ADK: variants seen among roughly 807,000 people sequenced by gnomAD.
ADK encodes adenosine kinase, also known as N6,N6-dimethyladenosine kinase.
Under a neutral mutation model 44.7 loss-of-function variants are expected in ADK, and 24 were observed. That is an observed-to-expected ratio of 0.54 (90% CI 0.39 to 0.76). ADK has a LOEUF of 0.76. ADK is among the 30% of genes least tolerant of loss of function. The pLI, the probability that ADK is intolerant of heterozygous loss-of-function variation, is 0.00. For missense variants in ADK, 321 were observed against 425.1 expected (o/e 0.76, Z 2.15); for synonymous variants, 128 against 142.6 (o/e 0.90, Z 0.73).
chr10:74,556,863 G>A (rs555736953), intron 7 of ADK, among the ~76,000 whole-genome samples: 156 of 152,216 alleles, frequency 1.0e-3, no homozygotes, highest in African/African-American at 3.4e-3. Context: ...GTATCAGGCC[G>A]TATTTATGCC....
At chr10:74,301,406 C>T (rs12221297) in intron 3 of ADK, among the ~76,000 whole-genome samples, 3,042 of 150,204 alleles carry the variant, frequency 0.02, 111 homozygotes, top group African/African-American at 0.069. Flanking sequence ...CTCAGCTTCT[C>T]GGGAGGCTAA....
At position 74,670,197 on chromosome 10, in the gene ADK, G is replaced by T; in HGVS notation, c.892G>T (p.Ala298Ser). 6.2e-7 allele frequency: 1 copy of T among 1,613,882 alleles called. No homozygotes were observed. Among genetic ancestry groups the T allele is most frequent in the Non-Finnish European group, 8.5e-7 (1 of 1,179,860 alleles). The change falls in exon 10 of 11, where the codon GCT (alanine) becomes TCT (serine). Residue 298 changes from alanine (A) to serine (S), a missense_variant. Ala to Ser is a moderately conservative substitution (Grantham distance 99, BLOSUM62 1). Transcript: ENST00000539909. ...TIMATESEVT[A>S]FAVLDQDQKE... ...TCTAATTGCAGAAAGTGAAGTCACT[G>T]CTTTTGCTGTCTTGGATCAAGACCA...
chr10:74,378,365 G>T (rs2131996182), intron 4 of ADK, among the ~76,000 whole-genome samples: 1 of 151,972 alleles, frequency 6.6e-6, no homozygotes, highest in African/African-American at 2.4e-5. Flanking sequence ...TTAATTTTAG[G>T]ATGTAATTAT....
intron 3 of ADK, among the ~76,000 whole-genome samples, chr10:74,298,000 G>A (rs1053494333): frequency 6.6e-6 from 1 of 151,870 alleles, no homozygotes; most frequent in African/African-American, 2.4e-5. Context: ...TTATTACTAG[G>A]GCATACCTAT....
chr10:74,204,304 A>G (rs928916865), intron 2 of ADK, among the ~76,000 whole-genome samples: 1 of 152,162 alleles, frequency 6.6e-6, no homozygotes, highest in African/African-American at 2.4e-5. Flanking sequence ...TTTTCAGTGC[A>G]TAAGTCTTAT....
chr10:74,488,595 T>C (rs560078168), intron 6 of ADK, among the ~76,000 whole-genome samples: 1 of 151,082 alleles, frequency 6.6e-6, no homozygotes, highest in South Asian at 2.1e-4. Context: ...GTGAGTTTTT[T>C]TCCTTCAGAA....
intron 4 of ADK, among the ~76,000 whole-genome samples, chr10:74,378,250 G>A (rs951934894): frequency 6.6e-6 from 1 of 151,918 alleles, no homozygotes; most frequent in Non-Finnish European, 1.5e-5. Flanking sequence ...CACTCAGAGT[G>A]AGATTCTGTT....
At chr10:74,294,562 T>C (rs974800400) in intron 3 of ADK, among the ~76,000 whole-genome samples, 3 of 152,080 alleles carry the variant, frequency 2.0e-5, no homozygotes, top group Admixed American at 6.5e-5. Context: ...ACTGGAATTA[T>C]AGGTGTGAGC....
intron 9 of ADK, among the ~76,000 whole-genome samples, chr10:74,658,173 A>G (rs1854562600): frequency 6.6e-6 from 1 of 152,194 alleles, no homozygotes; most frequent in South Asian, 2.1e-4. Flanking sequence ...TGTATTCATG[A>G]AAAAGTACTC....
intron 8 of ADK, among the ~76,000 whole-genome samples, chr10:74,590,833 T>G (rs545266874): frequency 7.0e-4 from 107 of 152,182 alleles, no homozygotes; most frequent in African/African-American, 2.3e-3. Flanking sequence ...TAAATAAAAA[T>G]TTTCAGGAAT....
intron 1 of ADK, among the ~76,000 whole-genome samples, chr10:74,177,122 G>C (rs1842371878): frequency 6.6e-6 from 1 of 152,110 alleles, no homozygotes; most frequent in African/African-American, 2.4e-5. Context: ...GGTGACCCTC[G>C]CCCAAATTCC....
chr10:74,343,282 A>G (rs1281817357), intron 4 of ADK, among the ~76,000 whole-genome samples: 2 of 152,136 alleles, frequency 1.3e-5, no homozygotes, highest in Non-Finnish European at 2.9e-5. Context: ...TTCTCCCAAA[A>G]CTTGTCAATT....
intron 6 of ADK, among the ~76,000 whole-genome samples, chr10:74,483,157 T>A (rs1847134256): frequency 6.6e-6 from 1 of 152,118 alleles, no homozygotes; most frequent in Non-Finnish European, 1.5e-5. Flanking sequence ...TTTCCATACG[T>A]CCTCCGAAAT....
At chr10:74,630,755 G>A (rs1169809291) in intron 9 of ADK, among the ~76,000 whole-genome samples, 2 of 151,982 alleles carry the variant, frequency 1.3e-5, no homozygotes, top group East Asian at 3.8e-4. Flanking sequence ...TTCAAGATAC[G>A]TCTTCCATAC....
chr10:74,408,226 C>T (rs1252757040), intron 6 of ADK, among the ~76,000 whole-genome samples: 2 of 151,402 alleles, frequency 1.3e-5, no homozygotes, highest in East Asian at 3.9e-4. Context: ...CTCCTGACCT[C>T]AAGTGATCCA....
chr10:74,659,758 G>A (rs1019493134), intron 9 of ADK, among the ~76,000 whole-genome samples: 1 of 152,182 alleles, frequency 6.6e-6, no homozygotes, highest in African/African-American at 2.4e-5. Flanking sequence ...ATCCAGCGCA[G>A]GAGAAAGTTG....
intron 3 of ADK, among the ~76,000 whole-genome samples, chr10:74,308,645 A>G (rs1304141629): frequency 6.6e-6 from 1 of 152,218 alleles, no homozygotes; most frequent in Non-Finnish European, 1.5e-5. Context: ...CAGAAATTCT[A>G]CTTGGCAGTT....
chr10:74,168,482 T>C (rs1279678397), intron 1 of ADK, among the ~76,000 whole-genome samples: 1 of 134,496 alleles, frequency 7.4e-6, no homozygotes, highest in African/African-American at 2.9e-5. Flanking sequence ...GAGCTTGCAG[T>C]GAGCCGAGAT....
chr10:74,209,525 A>G (rs1324119712), intron 2 of ADK, among the ~76,000 whole-genome samples: 2 of 152,228 alleles, frequency 1.3e-5, no homozygotes, highest in African/African-American at 4.8e-5. Context: ...ACATATACCA[A>G]ATGAATGAGA....
Sources: allele counts gnomAD v4.1 joint callset (sites outside exome capture counted in the v4.1 genomes callset), GRCh38; gene constraint gnomAD v4.1.1; transcripts MANE v1.5; gene names NCBI Gene and HGNC (gene_info 2026-07-23, HGNC 2026-07-21).